Variants in SMARCD3 observed in about 807,000 individuals in gnomAD.
SMARCD3 encodes SWI/SNF-related matrix-associated actin-dependent regulator of chromatin subfamily D member 3.
A neutral mutation model predicts 58.0 loss-of-function variants in SMARCD3; 14 were observed. The observed-to-expected ratio is 0.24, with a 90% CI of 0.16 to 0.38. SMARCD3 has a LOEUF of 0.38. SMARCD3 is among the 10% of genes least tolerant of loss of function. The pLI, the probability that SMARCD3 is intolerant of heterozygous loss-of-function variation, is 1.00. For synonymous variants in SMARCD3, 253 were observed against 253.8 expected (o/e 1.00, Z 0.03); for missense variants, 408 against 636.9 (o/e 0.64, Z 3.87).
chr7:151,262,500 C>T (rs1584891785), intron 2 of SMARCD3, among the ~76,000 whole-genome samples: 1 of 152,246 alleles, frequency 6.6e-6, no homozygotes, highest in South Asian at 2.1e-4. Context: ...ACCCCATGTG[C>T]TCCTCTGCCT....
intron 2 of SMARCD3, among the ~76,000 whole-genome samples, chr7:151,268,142 C>T (rs1339067269): frequency 3.9e-5 from 6 of 152,158 alleles, no homozygotes; most frequent in Non-Finnish European, 7.3e-5. Flanking sequence ...GTGAGTGTTA[C>T]GAACTGGGCA....
At position 151,246,810 on chromosome 7, in the gene SMARCD3, C is replaced by G. The variant is rs559893034; in HGVS notation, c.79-1139G>C. On this transcript the variant is annotated intron_variant, in intron 1 of 12. Coordinates refer to ENST00000262188, the MANE Select transcript of SMARCD3 (RefSeq NM_001003801.2). The surrounding 1 kb of genome is among the most constrained non-coding windows in gnomAD (Gnocchi z 4.4). ...GGAGGGCCAGAGAGAGTTTCAGGGG[C>G]TGTGAAACAGAAAGAGCGGGGTGGG... Among the ~76,000 whole-genome samples the G allele has an allele frequency of 6.6e-6, 1 of 152,212 alleles. No homozygotes were observed. Among genetic ancestry groups the G allele is most frequent in the African/African-American group, 2.4e-5 (1 of 41,518 alleles).
intron 2 of SMARCD3, among the ~76,000 whole-genome samples, chr7:151,254,064 G>C (rs1803620065): frequency 6.6e-6 from 1 of 152,192 alleles, no homozygotes; most frequent in Non-Finnish European, 1.5e-5. Flanking sequence ...TAGGGTGGTT[G>C]AGACTCCAAA....
At chr7:151,254,454 C>T (rs1032140907) in intron 2 of SMARCD3, 1 of 152,568 alleles carries the variant, frequency 6.6e-6, no homozygotes, top group African/African-American at 2.4e-5. Context: ...TCATCTGTGA[C>T]ATGAGGGTGC....
At chr7:151,240,825 C>T (rs1306345005) in intron 8 of SMARCD3, 1 of 392,988 alleles carries the variant, frequency 2.5e-6, no homozygotes. Context: ...CACCTCAGGG[C>T]TCAGTGTCTT....
At chr7:151,259,350 T>C (rs1803823582) in intron 2 of SMARCD3, among the ~76,000 whole-genome samples, 1 of 102,704 alleles carries the variant, frequency 9.7e-6, no homozygotes, top group Admixed American at 9.6e-5. Context: ...AGACTCTGTC[T>C]CAAAAAAAAA....
chr7:151,248,615 C>G lies in SMARCD3; in HGVS notation c.-53G>C, dbSNP rs1452635686. The G allele has an allele frequency of 1.9e-6, 3 of 1,606,922 alleles. No individual in the cohort carries two copies. In the African/African-American group the frequency reaches 4.0e-5, roughly 22 times the overall value. ...TCTCTCTCTCTCTTCCTCTTTCTTT[C>G]CCTTTTCTGCCTTTTTTTTTCCTCC... is the stretch of plus-strand genomic sequence containing the variant. On this transcript the variant is annotated 5_prime_UTR_variant, in exon 1 of 13. Coordinates refer to ENST00000262188, the MANE Select transcript of SMARCD3 (RefSeq NM_001003801.2). This position sits in a 1 kb window ranked among gnomAD's most constrained non-coding sequence, Gnocchi z 6.1.
chr7:151,275,375 G>T (rs1262610943), intron 1 of SMARCD3: 2 of 571,792 alleles, frequency 3.5e-6, no homozygotes, highest in Non-Finnish European at 6.3e-6. Flanking sequence ...AGAAAAAAGG[G>T]CCTAGGATGG....
Position 151,243,039 on chromosome 7 carries a change from G to A in SMARCD3, c.334-196C>T, listed in dbSNP as rs556440905. Among the ~76,000 whole-genome samples, 1 of 152,272 alleles carries A rather than the reference G, an allele frequency of 6.6e-6. No homozygotes were observed. Among genetic ancestry groups the A allele is most frequent in the African/African-American group, 2.4e-5 (1 of 41,550 alleles). On this transcript the variant is annotated intron_variant, in intron 3 of 12. Coordinates refer to ENST00000262188, the MANE Select transcript of SMARCD3 (RefSeq NM_001003801.2). This position sits in a 1 kb window ranked among gnomAD's most constrained non-coding sequence, Gnocchi z 4.4. ...CCAGCAGTAGGGGCCTTGCTGTGTA[G>A]GGATAACAATTGCTTCTCCCTTTAG... is the stretch of plus-strand genomic sequence containing the variant.
At chr7:151,258,035 G>T (rs1803760061) in intron 2 of SMARCD3, among the ~76,000 whole-genome samples, 1 of 152,058 alleles carries the variant, frequency 6.6e-6, no homozygotes, top group Non-Finnish European at 1.5e-5. Context: ...CCTCCGCCCA[G>T]TCTTCTCCCT....
intron 2 of SMARCD3, among the ~76,000 whole-genome samples, chr7:151,268,205 C>T (rs1242439826): frequency 6.6e-6 from 1 of 152,174 alleles, no homozygotes; most frequent in Non-Finnish European, 1.5e-5. Context: ...TTTAATTAGG[C>T]ACCAACCTTA....
intron 2 of SMARCD3, among the ~76,000 whole-genome samples, chr7:151,269,235 G>T (rs1249417246): frequency 6.6e-6 from 1 of 152,212 alleles, no homozygotes; most frequent in African/African-American, 2.4e-5. Context: ...CTGCTGGGCA[G>T]AGTGGAGTGG....
At position 151,239,991 on chromosome 7, in the gene SMARCD3, T is replaced by TTTC; in HGVS notation, c.1173+120_1173+121insGAA. The TTTC allele has an allele frequency of 2.2e-6, 2 of 902,736 alleles. No homozygotes were observed. 55.9% of individuals were successfully genotyped at this position (902,736 alleles called of 1,614,324 possible). ...CCATTGGCCCAGAGTCTGGTCTCTT[T>TTTC]TTTTTTTTTTTTTTTAATTTAACCC... On this transcript the variant is annotated intron_variant, in intron 10 of 12. Transcript: ENST00000262188. This position sits in a 1 kb window ranked among gnomAD's most constrained non-coding sequence, Gnocchi z 7.0.
rs777197030 is a variant in SMARCD3, at chr7:151,242,765, G to A, written c.412C>T (p.Arg138Trp). ...FERKLDQTIM[R>W]KRVDIQEALK... is the part of the protein sequence containing the mutation. ...GCCTCCTGGATGTCCACCCGCTTCC[G>A]CATGATGGTTTGATCCAGTTTCCTC... Residue 138 changes from arginine (R) to tryptophan (W), a missense_variant, in exon 4 of 13, where the codon CGG becomes TGG. Transcript: ENST00000262188. The surrounding 1 kb of genome is among the most constrained non-coding windows in gnomAD (Gnocchi z 4.7). 3 of 1,614,060 alleles carry A rather than the reference G, an allele frequency of 1.9e-6. No individual in the cohort carries two copies. Among genetic ancestry groups the A allele is most frequent in the Middle Eastern group, 1.6e-4 (1 of 6,062 alleles).
intron 1 of SMARCD3, chr7:151,275,381 G>A (rs1224153173): frequency 1.8e-6 from 1 of 562,858 alleles, no homozygotes; most frequent in African/African-American, 1.9e-5. Flanking sequence ...AAGGGCCTAG[G>A]ATGGAGGCAA....
chr7:151,263,179 C>A (rs1226561752), intron 2 of SMARCD3, among the ~76,000 whole-genome samples: 1 of 152,048 alleles, frequency 6.6e-6, no homozygotes, highest in Non-Finnish European at 1.5e-5. Flanking sequence ...TGTGTCTAGA[C>A]TAGATCCTAG....
Position 151,248,020 on chromosome 7 carries a change from G to T in SMARCD3, c.78+465C>A, listed in dbSNP as rs1041087768. On this transcript the variant is annotated intron_variant, in intron 1 of 12. Coordinates refer to ENST00000262188, the MANE Select transcript of SMARCD3 (RefSeq NM_001003801.2). The surrounding 1 kb of genome is among the most constrained non-coding windows in gnomAD (Gnocchi z 6.1). ...CTCAGCCTGCGAGCTTCCCGCTACA[G>T]TGCCTCCAGGGTCACCTGCTCCTTG... Among the ~76,000 whole-genome samples, 10 of 152,184 alleles carry T rather than the reference G, an allele frequency of 6.6e-5. No homozygotes were observed. The highest frequency in any genetic ancestry group is 6.5e-4 in the Admixed American group (10 of 15,286).
At position 151,242,700 on chromosome 7, in the gene SMARCD3, C is replaced by T; in HGVS notation, c.456+21G>A. On this transcript the variant is annotated intron_variant, in intron 4 of 12. Transcript: ENST00000262188. The surrounding 1 kb of genome is among the most constrained non-coding windows in gnomAD (Gnocchi z 4.7). ...GGTCACACAACTCTAGAGTCCCCTT[C>T]CTACCCCCGAACTAAGGCACCTTCA... The T allele has an allele frequency of 1.2e-6, 2 of 1,614,026 alleles. No individual in the cohort carries two copies. Among genetic ancestry groups the T allele is most frequent in the Non-Finnish European group, 1.7e-6 (2 of 1,179,960 alleles).
chr7:151,239,230 C>T lies in SMARCD3; in HGVS notation c.1399-74G>A. On this transcript the variant is annotated intron_variant, in intron 12 of 12. Transcript: ENST00000262188. This position sits in a 1 kb window ranked among gnomAD's most constrained non-coding sequence, Gnocchi z 7.0. ...ATCAGGACAATCCCACCTACTGACA[C>T]CGCCTGCCCTGAAAGAGCATCTGGG... 2.0e-6 allele frequency: 3 copies of T among 1,510,150 alleles called. No homozygotes were observed. The highest frequency in any genetic ancestry group is 2.2e-5 in the South Asian group (2 of 89,114). 93.5% of individuals were successfully genotyped at this position (1,510,150 alleles called of 1,614,324 possible). A position where few individuals can be genotyped will look rare whatever the true frequency, so the allele number is the denominator to read the frequency against.
Sources: allele counts gnomAD v4.1 joint callset (sites outside exome capture counted in the v4.1 genomes callset), GRCh38; gene constraint gnomAD v4.1.1; non-coding constraint Gnocchi (gnomAD v3.1); transcripts MANE v1.5; gene names NCBI Gene and HGNC (gene_info 2026-07-23, HGNC 2026-07-21).